JPH3: variants seen among roughly 807,000 people sequenced by gnomAD.
JPH3 encodes junctophilin-3.
JPH3 carries 11 observed loss-of-function variants against 59.6 expected under a neutral mutation model. The observed-to-expected ratio is 0.18, with a 90% CI of 0.12 to 0.31. JPH3 has a LOEUF of 0.31. Among genes scored for constraint, JPH3 ranks in the 10% least tolerant of loss-of-function variants. The pLI is 1.00. For synonymous variants in JPH3, 673 were observed against 483.6 expected (o/e 1.39, Z -5.14); for missense variants, 1,202 against 1,105.7 (o/e 1.09, Z -1.24).
intron 1 of JPH3, among the ~76,000 whole-genome samples, chr16:87,631,031 A>G (rs1274628388): frequency 1.3e-5 from 2 of 152,024 alleles, no homozygotes; most frequent in South Asian, 2.1e-4. Context: ...TTCAGTTGCA[A>G]TTTTCTTTAA....
chr16:87,603,051 G>C lies in JPH3; in HGVS notation c.-96G>C. 1 of 1,514,942 alleles carries C rather than the reference G, an allele frequency of 6.6e-7. No homozygotes were observed. Among genetic ancestry groups the C allele is most frequent in the South Asian group, 1.2e-5 (1 of 81,282 alleles). The allele number at this position is 1,514,942 out of a possible 1,614,324, so 93.8% of individuals were successfully genotyped here. A position where few individuals can be genotyped will look rare whatever the true frequency, so the allele number is the denominator to read the frequency against. Reference sequence around the variant, plus strand: ...CGCGTCCTCCTCTCCTCCGGAAAACGCTCGCGACCCAGGGCCGCCGGCGGC... The same window carrying C: ...CGCGTCCTCCTCTCCTCCGGAAAACCCTCGCGACCCAGGGCCGCCGGCGGC... On this transcript the variant is annotated 5_prime_UTR_variant, in exon 1 of 5. Coordinates refer to ENST00000284262, the MANE Select transcript of JPH3 (RefSeq NM_020655.4).
At position 87,690,382 on chromosome 16, in the gene JPH3, C is replaced by A. The variant is rs763684246; in HGVS notation, c.2022C>A (p.Ala674=). 3 of 1,527,398 alleles carry A rather than the reference C, an allele frequency of 2.0e-6. No homozygotes were observed. Among genetic ancestry groups the A allele is most frequent in the Middle Eastern group, 1.7e-4 (1 of 5,778 alleles). 94.6% of individuals were successfully genotyped at this position (1,527,398 alleles called of 1,614,324 possible). The change falls in exon 4 of 5, where the codon GCC becomes GCA. Residue 674 remains alanine (A), a synonymous_variant. Transcript: ENST00000284262. The stretch of plus-strand genomic sequence containing the variant: ...GGCCGGCCTCCTCCGCGGAGCCCGC[C>A]GTGCAGAAACTGGCGAGCCTGCGGC... ...NFRPASSAEP[A]VQKLASLRLG... is the part of the protein sequence containing the mutation.
chr16:87,625,651 G>A (rs2031347493), intron 1 of JPH3, among the ~76,000 whole-genome samples: 1 of 152,210 alleles, frequency 6.6e-6, no homozygotes, highest in Admixed American at 6.5e-5. Flanking sequence ...TCTAACAGGG[G>A]TTCCTGGGGG....
intron 1 of JPH3, among the ~76,000 whole-genome samples, chr16:87,623,862 G>A (rs900119589): frequency 2.6e-5 from 4 of 152,240 alleles, no homozygotes; most frequent in Non-Finnish European, 4.4e-5. Context: ...GGGGTCCCCC[G>A]AGGCCGCAGA....
At chr16:87,661,183 GCCTCTCCTCTC>G (rs1567604296) in intron 2 of JPH3, among the ~76,000 whole-genome samples, 1 of 152,164 alleles carries the variant, frequency 6.6e-6, no homozygotes, top group Non-Finnish European at 1.5e-5. Flanking sequence ...CAGCGGGGCA[GCCTCTCCTCTC>G]CTCTCCGACC....
intron 4 of JPH3, 53 bp from the exon 5 acceptor site, chr16:87,696,527 C>T: frequency 6.7e-7 from 1 of 1,497,200 alleles, no homozygotes; most frequent in East Asian, 2.3e-5. Context: ...CGTGGTGGCC[C>T]AGGCAGAGCC....
intron 1 of JPH3, among the ~76,000 whole-genome samples, chr16:87,613,792 A>G (rs957962629): frequency 3.9e-5 from 6 of 152,158 alleles, no homozygotes; most frequent in African/African-American, 1.4e-4. Flanking sequence ...TGTTCCAAGT[A>G]TTGTGCTGGG....
intron 2 of JPH3, among the ~76,000 whole-genome samples, chr16:87,653,406 C>T (rs1444768648): frequency 6.6e-6 from 1 of 152,092 alleles, no homozygotes; most frequent in East Asian, 1.9e-4. Flanking sequence ...CTGGCCATGC[C>T]TGGAGCTGAG....
intron 1 of JPH3, among the ~76,000 whole-genome samples, chr16:87,622,930 C>G (rs2031242497): frequency 6.6e-6 from 1 of 152,134 alleles, no homozygotes; most frequent in African/African-American, 2.4e-5. Context: ...GTCCCAGGGT[C>G]TCAGAGGACT....
rs1392297428 is a variant in JPH3 at position 87,611,794 on chromosome 16, T to G, written c.382+8266T>G. Among the ~76,000 whole-genome samples the G allele has an allele frequency of 6.6e-6, 1 of 152,238 alleles. No homozygotes were observed. The highest frequency in any genetic ancestry group is 1.9e-4 in the East Asian group (1 of 5,192). On this transcript the variant is annotated intron_variant, in intron 1 of 4. Transcript: ENST00000284262. This position sits in a 1 kb window ranked among gnomAD's most constrained non-coding sequence, Gnocchi z 4.5. ...ATTTCTTACAAATTTCAGGCGATGCTGAGGCTGCTGATCTGGGGACCTCAC... is the reference window on the plus strand; with the variant it reads ...ATTTCTTACAAATTTCAGGCGATGCGGAGGCTGCTGATCTGGGGACCTCAC...
At chr16:87,691,740 C>T (rs1037848323) in intron 4 of JPH3, among the ~76,000 whole-genome samples, 2 of 152,136 alleles carry the variant, frequency 1.3e-5, no homozygotes, top group East Asian at 1.9e-4. Flanking sequence ...GATGCCTCCC[C>T]GTTCCCCAAA....
At chr16:87,658,220 C>G (rs559792662) in intron 2 of JPH3, among the ~76,000 whole-genome samples, 2 of 152,160 alleles carry the variant, frequency 1.3e-5, no homozygotes, top group South Asian at 4.1e-4. Context: ...CTCCTGAGGT[C>G]GCAGGGCTAC....
At chr16:87,682,297 G>T (rs1475758552) in intron 2 of JPH3, among the ~76,000 whole-genome samples, 5 of 152,186 alleles carry the variant, frequency 3.3e-5, no homozygotes, top group Admixed American at 3.3e-4. Context: ...CATGAACAGT[G>T]TGTGGTTTCC....
chr16:87,671,954 T>TG (rs979859390), intron 2 of JPH3, among the ~76,000 whole-genome samples: 42 of 152,158 alleles, frequency 2.8e-4, no homozygotes, highest in Non-Finnish European at 5.4e-4. Flanking sequence ...CCTTCGTCTG[T>TG]GGGGGGTGGC....
chr16:87,629,953 T>C lies in JPH3; in HGVS notation c.383-14305T>C, dbSNP rs2031511859. ...ACTCTCTGTACTTTCCACTTATTTT[T>C]CTCTAAAGCTAAAACTGCTCTAAAG... is the stretch of plus-strand genomic sequence containing the variant. On this transcript the variant is annotated intron_variant, in intron 1 of 4. Coordinates refer to ENST00000284262, the MANE Select transcript of JPH3 (RefSeq NM_020655.4). Among the ~76,000 whole-genome samples, 4 of 152,042 alleles carry C rather than the reference T, an allele frequency of 2.6e-5. No homozygotes were observed. In the South Asian group the frequency reaches 8.3e-4, roughly 32 times the overall value.
At chr16:87,671,963 G>A (rs927088460) in intron 2 of JPH3, among the ~76,000 whole-genome samples, 1 of 152,192 alleles carries the variant, frequency 6.6e-6, no homozygotes, top group Non-Finnish European at 1.5e-5. Flanking sequence ...GTGGGGGGTG[G>A]CCGCACCCAG....
chr16:87,625,971 C>T (rs768674325), intron 1 of JPH3, among the ~76,000 whole-genome samples: 4 of 152,218 alleles, frequency 2.6e-5, no homozygotes, highest in African/African-American at 7.2e-5. Context: ...AGGCCAGGGG[C>T]TCAGAAGTTC....
In JPH3 at chr16:87,611,068, A is replaced by C. The variant is rs186656030; in HGVS notation, c.382+7540A>C. 1.1e-3 allele frequency among the ~76,000 whole-genome samples: 171 copies of C among 152,396 alleles called. No homozygotes were observed. The highest frequency in any genetic ancestry group is 1.5e-3 in the African/African-American group (64 of 41,596). On this transcript the variant is annotated intron_variant, in intron 1 of 4. Transcript: ENST00000284262. This position sits in a 1 kb window ranked among gnomAD's most constrained non-coding sequence, Gnocchi z 4.5. ...AGCCTTAAGTATTTGCTGAGCATTG[A>C]GTATGTACGCAGTACAGAGTTTGTG...
intron 2 of JPH3, among the ~76,000 whole-genome samples, chr16:87,667,442 C>T (rs780967598): frequency 1.8e-4 from 27 of 152,206 alleles, no homozygotes; most frequent in African/African-American, 2.4e-4. Context: ...TTCTGTCTGC[C>T]GCCCGACTTC....
Sources: gnomAD v4.1 joint callset for allele counts (sites outside exome capture counted in the v4.1 genomes callset) on GRCh38, gnomAD v4.1.1 for gene constraint, Gnocchi (gnomAD v3.1) non-coding constraint, MANE v1.5 for transcripts, NCBI Gene and HGNC (gene_info 2026-07-23, HGNC 2026-07-21) for gene names.